The following FRMD4B variants were observed in gnomAD, a reference collection of about 807,000 sequenced individuals.
FRMD4B encodes the protein FERM domain-containing protein 4B.
A neutral mutation model predicts 141.5 loss-of-function variants in FRMD4B; 74 were observed. That is an observed-to-expected ratio of 0.52 (90% CI 0.43 to 0.63). The LOEUF (loss-of-function observed/expected upper bound fraction) is 0.63. FRMD4B is among the 30% of genes least tolerant of loss of function. The probability of loss-of-function intolerance (pLI) is 0.00; values close to 1 mark genes in which losing one functional copy is unlikely to be tolerated. For missense variants in FRMD4B, 1,366 were observed against 1,253.4 expected, an observed-to-expected ratio of 1.09 and a Z score of -1.36; for synonymous variants, 506 against 467.9, an observed-to-expected ratio of 1.08 and a Z score of -1.05.
chr3:69,522,314 G>T (rs1466728664), intron 1 of FRMD4B, among the ~76,000 whole-genome samples: 1 of 151,938 alleles, frequency 6.6e-6, no homozygotes, highest in Non-Finnish European at 1.5e-5. Flanking sequence ...CAAGCCTGGG[G>T]GTCTTAGAAT....
At chr3:69,208,942 G>A (rs932099583) in intron 11 of FRMD4B, among the ~76,000 whole-genome samples, 23 of 152,140 alleles carry the variant, frequency 1.5e-4, no homozygotes, top group African/African-American at 3.6e-4. Flanking sequence ...TCAGGGGTTC[G>A]AGGCCAGCCT....
chr3:69,176,246 T>C (rs887293644), intron 22 of FRMD4B, among the ~76,000 whole-genome samples: 7 of 152,180 alleles, frequency 4.6e-5, no homozygotes, highest in African/African-American at 1.7e-4. Context: ...AAAGGCCAGA[T>C]ACTTTTTGGC....
intron 1 of FRMD4B, among the ~76,000 whole-genome samples, chr3:69,443,448 A>G (rs1705368519): frequency 1.3e-5 from 2 of 152,148 alleles, no homozygotes. Context: ...TGTTTCTCTG[A>G]GTTCTATGAG....
chr3:69,218,455 A>G, intron 9 of FRMD4B, 76 bp from the exon 10 acceptor site: 1 of 662,542 alleles, frequency 1.5e-6, no homozygotes, highest in African/African-American at 1.9e-5. Flanking sequence ...ATTTAAAGAA[A>G]CACCACGTTT....
At chr3:69,468,991 G>C (rs189503697) in intron 1 of FRMD4B, among the ~76,000 whole-genome samples, 27 of 152,214 alleles carry the variant, frequency 1.8e-4, no homozygotes, top group Non-Finnish European at 3.8e-4. Flanking sequence ...ATGTAACAAA[G>C]ACACCCTAAA....
chr3:69,297,825 TTAAATAAATTATGGTACC>T (rs1169297806), intron 4 of FRMD4B, among the ~76,000 whole-genome samples: 2 of 152,114 alleles, frequency 1.3e-5, no homozygotes, highest in Non-Finnish European at 2.9e-5. Context: ...AGAGAACTGG[TTAAATAAATTATGGTACC>T]TAAATAAATT....
rs1491433414 is a variant in FRMD4B at position 69,353,102 on chromosome 3, AAG to A, written c.162+32724_162+32725del. Among the ~76,000 whole-genome samples, 269 of 149,858 alleles carry A rather than the reference AAG, an allele frequency of 1.8e-3. 9 individuals are homozygous for A. In the South Asian group the frequency reaches 0.055, roughly 30 times the overall value. ...CCAGTATTTAAAATTTAAAAAAAAA[AAG>A]AAGAAGAAAAAAGGAGAGTGGTGGG... is the stretch of plus-strand genomic sequence containing the variant. On this transcript the variant is annotated intron_variant, in intron 1 of 22. Transcript: ENST00000398540.
At chr3:69,454,960 T>C (rs562251590) in intron 1 of FRMD4B, among the ~76,000 whole-genome samples, 4 of 152,386 alleles carry the variant, frequency 2.6e-5, no homozygotes, top group Non-Finnish European at 4.4e-5. Context: ...ATCAGCATTC[T>C]GTGTCTAGCT....
At chr3:69,383,957 ATTT>A in intron 1 of FRMD4B, among the ~76,000 whole-genome samples, 1 of 149,066 alleles carries the variant, frequency 6.7e-6, no homozygotes, top group Non-Finnish European at 1.5e-5. Context: ...GTGGGGACTT[ATTT>A]TTTTTTTATT....
chr3:69,466,189 C>G (rs1305293219), intron 1 of FRMD4B, among the ~76,000 whole-genome samples: 2 of 152,086 alleles, frequency 1.3e-5, no homozygotes, highest in Non-Finnish European at 2.9e-5. Context: ...TAAACGTCTT[C>G]TTTTGAGAAG....
intron 1 of FRMD4B, among the ~76,000 whole-genome samples, chr3:69,499,269 T>C (rs1330292504): frequency 1.3e-5 from 2 of 152,182 alleles, no homozygotes; most frequent in African/African-American, 4.8e-5. Context: ...CTGAATCTTA[T>C]TCTAAGTGCA....
intron 1 of FRMD4B, among the ~76,000 whole-genome samples, chr3:69,373,745 C>T (rs762503462): frequency 5.9e-5 from 9 of 151,990 alleles, no homozygotes; most frequent in African/African-American, 1.5e-4. Context: ...TGTGGTGGCG[C>T]GCCTGGAGTC....
At chr3:69,469,212 A>T (rs1705846257) in intron 1 of FRMD4B, among the ~76,000 whole-genome samples, 1 of 152,178 alleles carries the variant, frequency 6.6e-6, no homozygotes, top group African/African-American at 2.4e-5. Flanking sequence ...TACAAGGAAA[A>T]GGTAGAAATA....
At chr3:69,400,230 A>G (rs1024214627) in intron 2 of FRMD4B, among the ~76,000 whole-genome samples, 1 of 152,042 alleles carries the variant, frequency 6.6e-6, no homozygotes, top group East Asian at 1.9e-4. Flanking sequence ...CACCCCAAAA[A>G]AAAAAAATTA....
chr3:69,327,748 A>G (rs1008497657), intron 1 of FRMD4B, among the ~76,000 whole-genome samples: 1 of 152,208 alleles, frequency 6.6e-6, no homozygotes, highest in Non-Finnish European at 1.5e-5. Context: ...GTTTTAGAAA[A>G]GCATCACCAA....
chr3:69,190,093 A>G (rs1461755999), intron 17 of FRMD4B, 141 bp from the exon 18 acceptor site: 4 of 582,396 alleles, frequency 6.9e-6, no homozygotes, highest in Admixed American at 5.8e-5. Flanking sequence ...ATTAACTACC[A>G]TAGTAAGAAT....
intron 1 of FRMD4B, among the ~76,000 whole-genome samples, chr3:69,470,313 A>G (rs1450987961): frequency 1.3e-5 from 2 of 152,174 alleles, no homozygotes; most frequent in African/African-American, 2.4e-5. Context: ...GGGATACTAA[A>G]ACGTTTGGTT....
intron 11 of FRMD4B, among the ~76,000 whole-genome samples, chr3:69,215,071 G>A (rs896023111): frequency 4.0e-5 from 6 of 151,386 alleles, no homozygotes; most frequent in Middle Eastern, 3.2e-3. Context: ...GTAGAGACGG[G>A]GTTTCACCTT....
intron 10 of FRMD4B, among the ~76,000 whole-genome samples, chr3:69,217,995 A>G (rs776592077): frequency 6.6e-5 from 10 of 152,174 alleles, no homozygotes; most frequent in Non-Finnish European, 1.2e-4. Context: ...AATTTTATGA[A>G]GCTGTTGAAA....
Sources: allele counts gnomAD v4.1 joint callset (sites outside exome capture counted in the v4.1 genomes callset), GRCh38; gene constraint gnomAD v4.1.1; transcripts MANE v1.5; gene names NCBI Gene and HGNC (gene_info 2026-07-23, HGNC 2026-07-21).